The following TRPM3 variants were observed in gnomAD, a reference collection of about 807,000 sequenced individuals.
The protein encoded by TRPM3 is transient receptor potential cation channel subfamily M member 3.
Under a neutral mutation model 181.2 loss-of-function variants are expected in TRPM3, and 77 were observed. That is an observed-to-expected ratio of 0.42 (90% CI 0.35 to 0.51). TRPM3 has a LOEUF of 0.51. TRPM3 is among the 20% of genes least tolerant of loss of function. The probability of loss-of-function intolerance (pLI) is 0.01; values close to 1 mark genes in which losing one functional copy is unlikely to be tolerated. For missense variants in TRPM3, 1,759 were observed against 2,196.7 expected (o/e 0.80, Z 3.98); for synonymous variants, 745 against 796.4 (o/e 0.94, Z 1.09).
chr9:71,396,478 G>C (rs1047852986), intron 1 of TRPM3, among the ~76,000 whole-genome samples: 1 of 151,942 alleles, frequency 6.6e-6, no homozygotes, highest in South Asian at 2.1e-4. Context: ...CATTTTAAAC[G>C]ATGGGTTCAT....
intron 1 of TRPM3, among the ~76,000 whole-genome samples, chr9:71,174,290 C>T (rs1360618123): frequency 6.6e-6 from 1 of 152,016 alleles, no homozygotes; most frequent in Admixed American, 6.6e-5. Flanking sequence ...GCCTGTAATC[C>T]AAGCAATTTG....
chr9:70,899,464 C>T (rs74663993), intron 1 of TRPM3, among the ~76,000 whole-genome samples: 3,007 of 152,246 alleles, frequency 0.02, 53 homozygotes, highest in East Asian at 0.048. Flanking sequence ...TCACATCTTA[C>T]ACTTGAGCTA....
intron 1 of TRPM3, among the ~76,000 whole-genome samples, chr9:70,964,223 C>A (rs937836875): frequency 1.3e-5 from 2 of 152,072 alleles, no homozygotes; most frequent in African/African-American, 4.8e-5. Context: ...TAAATTAGAT[C>A]ATAAACTCCA....
chr9:70,529,360 C>T lies in TRPM3; in HGVS notation c.*6593G>A, dbSNP rs2040553650. The T allele has an allele frequency of 6.6e-6, 1 of 152,148 alleles. No individual in the cohort carries two copies. 9.4% of individuals were successfully genotyped at this position (152,148 alleles called of 1,614,324 possible). ...TAAAACCATTGTATTTGTAGGAATT[C>T]ATTTAAAAATGATATCTGAATAATT... On this transcript the variant is annotated 3_prime_UTR_variant, in exon 26 of 26. Transcript: ENST00000677713.
At chr9:70,845,078 C>T (rs2094897444) in intron 4 of TRPM3, among the ~76,000 whole-genome samples, 1 of 152,088 alleles carries the variant, frequency 6.6e-6, no homozygotes, top group Non-Finnish European at 1.5e-5. Flanking sequence ...CACATAATAA[C>T]ATTGAACATG....
intron 1 of TRPM3, among the ~76,000 whole-genome samples, chr9:71,177,583 A>G (rs574700850): frequency 6.6e-6 from 1 of 152,268 alleles, no homozygotes; most frequent in East Asian, 1.9e-4. Flanking sequence ...TTAAAGACCT[A>G]AGTTTTCACA....
At chr9:71,196,101 T>G (rs1312021770) in intron 1 of TRPM3, among the ~76,000 whole-genome samples, 1 of 151,864 alleles carries the variant, frequency 6.6e-6, no homozygotes, top group Non-Finnish European at 1.5e-5. Context: ...AACTTGCACA[T>G]GTACTCCTGA....
At chr9:71,254,449 G>T (rs766422612) in intron 1 of TRPM3, among the ~76,000 whole-genome samples, 25 of 152,076 alleles carry the variant, frequency 1.6e-4, no homozygotes, top group Admixed American at 1.6e-3. Flanking sequence ...CGGCAACAAC[G>T]TATTACATAT....
chr9:71,286,470 A>G (rs1486070061), intron 1 of TRPM3, among the ~76,000 whole-genome samples: 1 of 152,178 alleles, frequency 6.6e-6, no homozygotes, highest in African/African-American at 2.4e-5. Flanking sequence ...TCTTTAATAC[A>G]TCACTAACCA....
intron 6 of TRPM3, among the ~76,000 whole-genome samples, chr9:70,809,444 T>C (rs2091428288): frequency 6.6e-6 from 1 of 152,212 alleles, no homozygotes; most frequent in Non-Finnish European, 1.5e-5. Context: ...AGGTGTACTA[T>C]TTGTATCTTT....
At chr9:70,597,363 T>G (rs181694327) in intron 21 of TRPM3, among the ~76,000 whole-genome samples, 1 of 152,372 alleles carries the variant, frequency 6.6e-6, no homozygotes, top group African/African-American at 2.4e-5. Flanking sequence ...TGACCCACTG[T>G]GTCTGACCAG....
chr9:70,663,207 G>A (rs899591627), intron 9 of TRPM3, among the ~76,000 whole-genome samples: 2 of 152,092 alleles, frequency 1.3e-5, no homozygotes, highest in African/African-American at 2.4e-5. Context: ...GAAGGCATAC[G>A]AATGATATAA....
intron 9 of TRPM3, among the ~76,000 whole-genome samples, chr9:70,657,445 T>A (rs1450481846): frequency 6.6e-6 from 1 of 152,160 alleles, no homozygotes; most frequent in African/African-American, 2.4e-5. Context: ...ATGCTAACAA[T>A]GTTTTCTTAA....
intron 1 of TRPM3, among the ~76,000 whole-genome samples, chr9:71,181,887 T>C (rs2077425426): frequency 6.6e-6 from 1 of 152,112 alleles, no homozygotes; most frequent in East Asian, 1.9e-4. Flanking sequence ...GTGTCATTAA[T>C]CACCTGGTAT....
chr9:70,963,382 T>A (rs903750769), intron 1 of TRPM3, among the ~76,000 whole-genome samples: 7 of 152,148 alleles, frequency 4.6e-5, no homozygotes, highest in African/African-American at 1.7e-4. Flanking sequence ...ACATACCATT[T>A]TATTCCATAC....
intron 8 of TRPM3, among the ~76,000 whole-genome samples, chr9:70,689,698 G>A (rs1283629786): frequency 1.3e-5 from 2 of 151,972 alleles, no homozygotes; most frequent in Non-Finnish European, 2.9e-5. Flanking sequence ...CCTAAAGCAT[G>A]TTTCACTAAT....
intron 1 of TRPM3, among the ~76,000 whole-genome samples, chr9:70,991,240 CTAAT>C (rs1407035020): frequency 6.6e-6 from 1 of 152,140 alleles, no homozygotes; most frequent in Non-Finnish European, 1.5e-5. Context: ...TTTATTTTCA[CTAAT>C]TTATTATTGA....
At chr9:71,002,421 C>A (rs1390467152) in intron 1 of TRPM3, among the ~76,000 whole-genome samples, 3 of 152,172 alleles carry the variant, frequency 2.0e-5, no homozygotes, top group Non-Finnish European at 4.4e-5. Flanking sequence ...AAGTGGCCAC[C>A]TTTCTTTTTA....
chr9:71,204,776 C>T (rs370277038), intron 1 of TRPM3, among the ~76,000 whole-genome samples: 18 of 152,064 alleles, frequency 1.2e-4, no homozygotes, highest in Admixed American at 2.6e-4. Flanking sequence ...ATGTTTATTG[C>T]GGCACTATTC....
Sources: gnomAD v4.1 joint callset for allele counts (sites outside exome capture counted in the v4.1 genomes callset) on GRCh38, gnomAD v4.1.1 for gene constraint, MANE v1.5 for transcripts, NCBI Gene and HGNC (gene_info 2026-07-23, HGNC 2026-07-21) for gene names.